Variants in ZNF831 observed in about 807,000 individuals in gnomAD.
ZNF831 encodes chromosome 20 open reading frame 174.
A neutral mutation model predicts 95.8 loss-of-function variants in ZNF831; 59 were observed. The observed-to-expected ratio is 0.62, with a 90% CI of 0.50 to 0.77. The LOEUF is 0.77. ZNF831 is among the 30% of genes least tolerant of loss of function. ZNF831 has a pLI of 0.00. For synonymous variants in ZNF831, 961 were observed against 925.5 expected, an observed-to-expected ratio of 1.04 and a Z score of -0.70; for missense variants, 2,205 against 2,164.0, an observed-to-expected ratio of 1.02 and a Z score of -0.38.
chr20:59,144,284 G>A (rs1364810930), intron 1 of ZNF831, among the ~76,000 whole-genome samples: 2 of 152,158 alleles, frequency 1.3e-5, no homozygotes, highest in Non-Finnish European at 2.9e-5. Context: ...ATGTGCACAG[G>A]ATTCTCACAG....
intron 4 of ZNF831, among the ~76,000 whole-genome samples, chr20:59,242,554 A>G (rs1987393838): frequency 1.3e-5 from 2 of 152,252 alleles, no homozygotes; most frequent in Admixed American, 1.3e-4. Context: ...TTGTTTGGAA[A>G]AAGAAAAACA....
At chr20:59,157,040 A>G (rs1980581350) in intron 2 of ZNF831, among the ~76,000 whole-genome samples, 1 of 152,234 alleles carries the variant, frequency 6.6e-6, no homozygotes. Context: ...TGGTGCATCC[A>G]TCACCTCAAG....
chr20:59,231,499 G>C (rs1165618791), intron 4 of ZNF831, among the ~76,000 whole-genome samples: 1 of 152,092 alleles, frequency 6.6e-6, no homozygotes, highest in Non-Finnish European at 1.5e-5. Flanking sequence ...TCCCCAGCAC[G>C]GTGTAAAAAG....
At chr20:59,171,432 T>C (rs1356187209) in intron 1 of ZNF831, among the ~76,000 whole-genome samples, 1 of 152,270 alleles carries the variant, frequency 6.6e-6, no homozygotes, top group Non-Finnish European at 1.5e-5. Context: ...GTGTACCCTT[T>C]ACATGCATGT....
chr20:59,133,781 G>A (rs544661564), intron 1 of ZNF831, among the ~76,000 whole-genome samples: 13 of 152,194 alleles, frequency 8.5e-5, no homozygotes, highest in South Asian at 8.3e-4. Context: ...GCAGCTCAGC[G>A]GCAAGGACGA....
intron 4 of ZNF831, among the ~76,000 whole-genome samples, chr20:59,211,018 C>G (rs371853980): frequency 7.3e-6 from 1 of 136,830 alleles, no homozygotes; most frequent in Non-Finnish European, 1.5e-5. Context: ...CCGGCCTGGG[C>G]GACAGAGCGA....
chr20:59,250,382 G>C (rs555154373), intron 4 of ZNF831, among the ~76,000 whole-genome samples: 2 of 152,166 alleles, frequency 1.3e-5, no homozygotes, highest in Non-Finnish European at 2.9e-5. Context: ...ACCAGTACAC[G>C]TGGAGACCTG....
intron 1 of ZNF831, among the ~76,000 whole-genome samples, chr20:59,176,737 G>T (rs919425800): frequency 6.6e-6 from 1 of 152,154 alleles, no homozygotes; most frequent in Non-Finnish European, 1.5e-5. Flanking sequence ...TCTGAATCAC[G>T]TCAGTATTTG....
At chr20:59,175,795 G>A (rs73306898) in intron 1 of ZNF831, among the ~76,000 whole-genome samples, 3,434 of 152,246 alleles carry the variant, frequency 0.023, 147 homozygotes, top group African/African-American at 0.079. Context: ...TTCTTGGTTC[G>A]TGGTATGACA....
intron 1 of ZNF831, among the ~76,000 whole-genome samples, chr20:59,175,272 C>A (rs1173694434): frequency 6.6e-6 from 1 of 152,030 alleles, no homozygotes; most frequent in Admixed American, 6.6e-5. Context: ...GAACTTGTAG[C>A]TTTATGTCTT....
At chr20:59,160,514 C>T (rs1980790871), upstream of ZNF831, 1 of 152,346 alleles carries the variant, frequency 6.6e-6, no homozygotes, top group Admixed American at 6.5e-5. Context: ...CCCAGCCACA[C>T]ACTTAGCCCT....
rs1430204567 is a variant in ZNF831, at chr20:59,164,049, C to T, written c.-195C>T. On this transcript the variant is annotated 5_prime_UTR_variant, in exon 1 of 6. Transcript: ENST00000371030. ...CCCTCTCAGCAAAGAGTAGCGAGCT[C>T]CCTACAGAGAGTGAGAGCACGGGCT... Among the ~76,000 whole-genome samples, 4 of 152,126 alleles carry T rather than the reference C, an allele frequency of 2.6e-5. No individual in the cohort carries two copies. Among genetic ancestry groups the T allele is most frequent in the African/African-American group, 9.7e-5 (4 of 41,416 alleles).
chr20:59,154,436 G>A (rs772369469), intron 2 of ZNF831, among the ~76,000 whole-genome samples: 46 of 152,246 alleles, frequency 3.0e-4, no homozygotes, highest in Non-Finnish European at 5.0e-4. Flanking sequence ...AAGCCGAAGC[G>A]GTCTCTACCC....
intron 1 of ZNF831, among the ~76,000 whole-genome samples, chr20:59,179,817 G>A (rs1281084325): frequency 6.6e-6 from 1 of 152,052 alleles, no homozygotes; most frequent in East Asian, 1.9e-4. Context: ...TCCAAATAAG[G>A]TCCCAATCGC....
At chr20:59,242,385 T>C (rs973770462) in intron 4 of ZNF831, among the ~76,000 whole-genome samples, 2 of 152,240 alleles carry the variant, frequency 1.3e-5, no homozygotes, top group African/African-American at 4.8e-5. Flanking sequence ...CAGTAGATAC[T>C]CTTGATTTCA....
intron 1 of ZNF831, among the ~76,000 whole-genome samples, chr20:59,180,425 C>T (rs1260461772): frequency 6.6e-6 from 1 of 152,174 alleles, no homozygotes; most frequent in African/African-American, 2.4e-5. Flanking sequence ...CATAGGTATA[C>T]ATGTGCCATG....
intron 2 of ZNF831, among the ~76,000 whole-genome samples, chr20:59,153,021 G>A (rs1464646405): frequency 6.6e-6 from 1 of 152,190 alleles, no homozygotes; most frequent in African/African-American, 2.4e-5. Context: ...TGTAGCAGGG[G>A]TGAAGGTGAA....
chr20:59,143,051 T>A (rs1979731624), intron 1 of ZNF831, among the ~76,000 whole-genome samples: 1 of 152,132 alleles, frequency 6.6e-6, no homozygotes, highest in Non-Finnish European at 1.5e-5. Flanking sequence ...AGATGTGCAC[T>A]ACCACACCTG....
At chr20:59,210,355 A>G (rs1601402341) in intron 4 of ZNF831, among the ~76,000 whole-genome samples, 1 of 152,308 alleles carries the variant, frequency 6.6e-6, no homozygotes, top group East Asian at 1.9e-4. Flanking sequence ...AAGAAAGCCC[A>G]GTGGCCGGCG....
Sources: gnomAD v4.1 joint callset for allele counts (sites outside exome capture counted in the v4.1 genomes callset) on GRCh38, gnomAD v4.1.1 for gene constraint, MANE v1.5 for transcripts, NCBI Gene and HGNC (gene_info 2026-07-23, HGNC 2026-07-21) for gene names.